Variants in ATAD2B observed in about 807,000 individuals in gnomAD.
The protein encoded by ATAD2B is ATPase family AAA domain containing 2B, also known as ATPase family AAA domain-containing protein 2B.
In ATAD2B, 40 loss-of-function variants were observed where a neutral mutation model predicts 167.6. That is an observed-to-expected ratio of 0.24 (90% CI 0.19 to 0.31). The LOEUF is 0.31. Among genes scored for constraint, ATAD2B ranks in the 10% least tolerant of loss-of-function variants. The probability of loss-of-function intolerance (pLI) is 1.00; values close to 1 mark genes in which losing one functional copy is unlikely to be tolerated. For missense variants in ATAD2B, 1,242 were observed against 1,757.2 expected, an observed-to-expected ratio of 0.71 and a Z score of 5.24; for synonymous variants, 579 against 596.5, an observed-to-expected ratio of 0.97 and a Z score of 0.43.
chr2:23,706,517 A>T, the ATAD2B span: 1 of 1,535,010 alleles, frequency 6.5e-7, no homozygotes, highest in Admixed American at 2.0e-5. Flanking sequence ...ATGCAACTGG[A>T]GGTATTGTCA....
intron 19 of ATAD2B, among the ~76,000 whole-genome samples, chr2:23,796,139 A>G (rs1171260536): frequency 6.6e-6 from 1 of 152,216 alleles, no homozygotes; most frequent in Non-Finnish European, 1.5e-5. Flanking sequence ...ACAAACTATT[A>G]GTATAAAACA....
chr2:23,813,977 G>T (rs1367779235), intron 17 of ATAD2B, among the ~76,000 whole-genome samples: 1 of 152,094 alleles, frequency 6.6e-6, no homozygotes, highest in Non-Finnish European at 1.5e-5. Flanking sequence ...ACAGAGCAGG[G>T]CACGGTCGAA....
At chr2:23,905,660 C>T (rs1400554077) in intron 1 of ATAD2B, among the ~76,000 whole-genome samples, 1 of 152,188 alleles carries the variant, frequency 6.6e-6, no homozygotes, top group African/African-American at 2.4e-5. Flanking sequence ...CAAGGAGGTA[C>T]TGTAAGTAAC....
intron 22 of ATAD2B, among the ~76,000 whole-genome samples, chr2:23,780,973 T>G (rs1679938742): frequency 6.6e-6 from 1 of 152,052 alleles, no homozygotes; most frequent in Non-Finnish European, 1.5e-5. Context: ...AATGAATGTT[T>G]TAAAAATAAG....
chr2:23,722,712 GC>G, the ATAD2B span, among the ~76,000 whole-genome samples: 1 of 152,030 alleles, frequency 6.6e-6, no homozygotes, highest in Admixed American at 6.5e-5. Context: ...GGACATCTAG[GC>G]CCAGGAAGCT....
intron 22 of ATAD2B, among the ~76,000 whole-genome samples, chr2:23,776,666 TCTC>T (rs1471528057): frequency 3.3e-5 from 5 of 152,154 alleles, no homozygotes; most frequent in Non-Finnish European, 7.3e-5. Flanking sequence ...GGTAGTGTCT[TCTC>T]CTCTGTGCTC....
At chr2:23,769,162 C>T (rs1677904996) in intron 22 of ATAD2B, among the ~76,000 whole-genome samples, 1 of 152,170 alleles carries the variant, frequency 6.6e-6, no homozygotes, top group East Asian at 1.9e-4. Flanking sequence ...AGGTAGTGGC[C>T]GAGCACGGGG....
At chr2:23,859,596 T>C (rs1694007871) in intron 12 of ATAD2B, among the ~76,000 whole-genome samples, 1 of 152,208 alleles carries the variant, frequency 6.6e-6, no homozygotes, top group Non-Finnish European at 1.5e-5. Context: ...GAGTATCATT[T>C]ATCTTTTGAA....
Position 23,829,587 on chromosome 2 carries a change from C to CA in ATAD2B, c.1729-649dup, listed in dbSNP as rs537136671. Among the ~76,000 whole-genome samples the CA allele has an allele frequency of 4.4e-3, 662 of 152,108 alleles. 1 individual carries two copies. The highest frequency in any genetic ancestry group is 0.027 in the Middle Eastern group (8 of 294). On this transcript the variant is annotated intron_variant, in intron 14 of 27. Transcript: ENST00000238789. ...ACAACATAGTGACACCCTGTCTCTA[C>CA]AAAAAAATTGTTTTTTAATTAATTG...
intron 1 of ATAD2B, among the ~76,000 whole-genome samples, chr2:23,926,052 C>CT (rs1704739043): frequency 6.6e-6 from 1 of 152,182 alleles, no homozygotes; most frequent in Non-Finnish European, 1.5e-5. Flanking sequence ...GCATCCCTGC[C>CT]TGGCTGCCAA....
At chr2:23,833,029 A>C (rs765434445) in intron 14 of ATAD2B, among the ~76,000 whole-genome samples, 15 of 152,218 alleles carry the variant, frequency 9.9e-5, no homozygotes, top group Non-Finnish European at 1.8e-4. Context: ...TGTCCTGACA[A>C]AGCTAAATAA....
At chr2:23,718,133 G>A in the ATAD2B span, among the ~76,000 whole-genome samples, 30 of 152,270 alleles carry the variant, frequency 2.0e-4, no homozygotes, top group East Asian at 4.6e-3. Context: ...AATGGGCTCC[G>A]AGAAAATTTT....
At chr2:23,754,927 G>T in intron 25 of ATAD2B, 153 bp from the exon 26 acceptor site, 1 of 689,178 alleles carries the variant, frequency 1.5e-6, no homozygotes, top group Non-Finnish European at 2.2e-6. Flanking sequence ...AACCCAATGT[G>T]GTAGATTTTT....
intron 16 of ATAD2B, among the ~76,000 whole-genome samples, chr2:23,821,997 G>A (rs897435828): frequency 6.6e-6 from 1 of 151,982 alleles, no homozygotes; most frequent in East Asian, 1.9e-4. Context: ...TTTTATCTCA[G>A]GTGCAAAGTA....
At chr2:23,680,289 G>A in the ATAD2B span, among the ~76,000 whole-genome samples, 12 of 152,232 alleles carry the variant, frequency 7.9e-5, no homozygotes, top group African/African-American at 1.7e-4. The surrounding 1 kb of genome is among the most constrained non-coding windows in gnomAD (Gnocchi z 4.1). Context: ...TGCGGATTGC[G>A]GGCAGTGGAC....
At chr2:23,842,477 T>C (rs1691072054) in intron 13 of ATAD2B, among the ~76,000 whole-genome samples, 2 of 152,168 alleles carry the variant, frequency 1.3e-5, no homozygotes, top group Admixed American at 1.3e-4. Flanking sequence ...GAGTTCATGG[T>C]AACTCAGAGA....
chr2:23,700,006 C>T, the ATAD2B span, among the ~76,000 whole-genome samples: 2 of 152,236 alleles, frequency 1.3e-5, no homozygotes, highest in African/African-American at 4.8e-5. This position sits in a 1 kb window ranked among gnomAD's most constrained non-coding sequence, Gnocchi z 4.6. Flanking sequence ...CCTACAAATA[C>T]AGCTACACTC....
the ATAD2B span, among the ~76,000 whole-genome samples, chr2:23,698,204 C>T: frequency 3.3e-5 from 5 of 152,142 alleles, no homozygotes; most frequent in Admixed American, 2.6e-4. Flanking sequence ...GAGACCACCC[C>T]GGGAACCCCA....
chr2:23,920,979 C>CG (rs1558807857), intron 1 of ATAD2B, among the ~76,000 whole-genome samples: 1 of 151,932 alleles, frequency 6.6e-6, no homozygotes, highest in Non-Finnish European at 1.5e-5. Flanking sequence ...CCGAGGCGGG[C>CG]GGGTCGCCTG....
Sources: gnomAD v4.1 joint callset for allele counts (sites outside exome capture counted in the v4.1 genomes callset) on GRCh38, gnomAD v4.1.1 for gene constraint, Gnocchi (gnomAD v3.1) non-coding constraint, MANE v1.5 for transcripts, NCBI Gene and HGNC (gene_info 2026-07-23, HGNC 2026-07-21) for gene names.